The following SLC5A10 variants were observed in gnomAD, a reference collection of about 807,000 sequenced individuals.
The protein encoded by SLC5A10 is solute carrier family 5 member 10, also known as sodium/mannose cotransporter SLC5A10.
Under a neutral mutation model 68.9 loss-of-function variants are expected in SLC5A10, and 55 were observed. That is an observed-to-expected ratio of 0.80 (90% CI 0.64 to 1.00). The LOEUF (loss-of-function observed/expected upper bound fraction) is 1.00, where lower values mean the gene tolerates loss of function less well. Among genes scored for constraint, SLC5A10 ranks in the 50% least tolerant of loss-of-function variants. The pLI is 0.00. For synonymous variants in SLC5A10, 344 were observed against 344.8 expected (o/e 1.00, Z 0.02); for missense variants, 732 against 819.3 (o/e 0.89, Z 1.30).
chr17:18,971,668 G>A lies in SLC5A10; in HGVS notation c.846+450G>A. ...AGCTCTGGACGCTGTCAGCAGCAGA[G>A]CGGTACCTAGGGGGTCCTGGGAAGC... is the stretch of plus-strand genomic sequence containing the variant. On this transcript the variant is annotated intron_variant, in intron 8 of 14. Coordinates refer to ENST00000395645, the MANE Select transcript of SLC5A10 (RefSeq NM_001042450.4). This position sits in a 1 kb window ranked among gnomAD's most constrained non-coding sequence, Gnocchi z 5.5. The A allele has an allele frequency of 1.2e-6, 2 of 1,612,978 alleles. No homozygotes were observed. The highest frequency in any genetic ancestry group is 2.2e-5 in the East Asian group (1 of 44,838).
chr17:18,992,404 G>A (rs1010109185), intron 9 of SLC5A10, among the ~76,000 whole-genome samples: 5 of 152,222 alleles, frequency 3.3e-5, no homozygotes, highest in African/African-American at 7.2e-5. Flanking sequence ...GGCAGTGACC[G>A]GAGCAGCTTG....
intron 9 of SLC5A10, among the ~76,000 whole-genome samples, chr17:19,011,314 G>A (rs1429832526): frequency 6.6e-6 from 1 of 152,200 alleles, no homozygotes; most frequent in Non-Finnish European, 1.5e-5. Context: ...GTGGGTGTTA[G>A]ACGGACAGTG....
chr17:18,962,528 G>A (rs1364780330), intron 5 of SLC5A10, among the ~76,000 whole-genome samples: 1 of 152,180 alleles, frequency 6.6e-6, no homozygotes, highest in East Asian at 1.9e-4. Flanking sequence ...AGGCCCGTGT[G>A]CCACATTTGC....
At chr17:19,020,114 C>CA in intron 13 of SLC5A10, 41 bp from the exon 14 acceptor site, 7 of 1,285,240 alleles carry the variant, frequency 5.4e-6, no homozygotes, top group Non-Finnish European at 7.9e-6. Flanking sequence ...CCCACCCTGC[C>CA]ATCCCCCACC....
At chr17:18,965,773 G>A (rs1159784172) in intron 5 of SLC5A10, among the ~76,000 whole-genome samples, 1 of 152,212 alleles carries the variant, frequency 6.6e-6, no homozygotes, top group Non-Finnish European at 1.5e-5. Context: ...GCTGCCAACA[G>A]TGTGTGCTCT....
intron 9 of SLC5A10, chr17:18,977,575 C>A (rs1039903718): frequency 6.2e-7 from 1 of 1,605,436 alleles, no homozygotes; most frequent in Non-Finnish European, 8.5e-7. Flanking sequence ...TGCAGGGACC[C>A]TGACCCACCT....
chr17:19,015,548 G>A (rs1213614364), intron 11 of SLC5A10, among the ~76,000 whole-genome samples: 1 of 152,208 alleles, frequency 6.6e-6, no homozygotes, highest in Non-Finnish European at 1.5e-5. Context: ...GGGCCCCCGG[G>A]CCAGCACTCA....
intron 7 of SLC5A10, chr17:18,970,442 A>G (rs1051444670): frequency 1.3e-5 from 2 of 157,302 alleles, no homozygotes; most frequent in African/African-American, 4.8e-5. Flanking sequence ...CTGGAGAGGA[A>G]AAAGCCCCGG....
intron 9 of SLC5A10, among the ~76,000 whole-genome samples, chr17:18,987,895 G>A (rs2043310617): frequency 6.6e-6 from 1 of 152,234 alleles, no homozygotes; most frequent in African/African-American, 2.4e-5. Context: ...GCTACCTGAG[G>A]AGGCAGTGAG....
rs148765836 is a variant in SLC5A10 at position 18,991,185 on chromosome 17, G to A, written c.982+14196G>A. Among the ~76,000 whole-genome samples, 46 of 152,324 alleles carry A rather than the reference G, an allele frequency of 3.0e-4. No homozygotes were observed. In the Middle Eastern group the frequency reaches 0.01, roughly 34 times the overall value. On this transcript the variant is annotated intron_variant, in intron 9 of 14. Transcript: ENST00000395645. ...GCTCACTTGTGACACCATGAGCTCAGCAAGAGCAGAGCCCTTGTCTGAGCC... is the reference window on the plus strand; with the variant it reads ...GCTCACTTGTGACACCATGAGCTCAACAAGAGCAGAGCCCTTGTCTGAGCC...
rs959679416 is a variant in SLC5A10, at chr17:18,999,283, G to GAA, written c.983-14115_983-14114dup. On this transcript the variant is annotated intron_variant, in intron 9 of 14. Coordinates refer to ENST00000395645, the MANE Select transcript of SLC5A10 (RefSeq NM_001042450.4). ...ACAGAGCAAGACTTTGTCTCAAGAA[G>GAA]AAAAAAAAAAAAAGAAAATGCTTTT... is the stretch of plus-strand genomic sequence containing the variant. Among the ~76,000 whole-genome samples the GAA allele has an allele frequency of 3.3e-3, 449 of 136,274 alleles. 1 individual carries two copies. The highest frequency in any genetic ancestry group is 0.011 in the African/African-American group (423 of 37,094). 89.4% of individuals were successfully genotyped at this position (136,274 alleles called of 152,430 possible).
intron 1 of SLC5A10, among the ~76,000 whole-genome samples, 184 bp from the exon 2 acceptor site, chr17:18,958,498 G>T (rs555759223): frequency 6.6e-6 from 1 of 152,154 alleles, no homozygotes; most frequent in Non-Finnish European, 1.5e-5. Context: ...ATGAACATTC[G>T]TGTACAAGTT....
rs753602380 is a variant in SLC5A10 at position 19,003,919 on chromosome 17, G to A, written c.983-9491G>A. The A allele has an allele frequency of 2.4e-5, 38 of 1,612,846 alleles. No individual in the cohort carries two copies. The Admixed American group carries it at 6.2e-4, about 26-fold the overall frequency. On this transcript the variant is annotated intron_variant, in intron 9 of 14. Coordinates refer to ENST00000395645, the MANE Select transcript of SLC5A10 (RefSeq NM_001042450.4). The surrounding 1 kb of genome is among the most constrained non-coding windows in gnomAD (Gnocchi z 4.5). ...GCACCTCGTAGAAGGCGTCCCGGCC[G>A]CGGGCCACCAGGGCCTCCAGCGCCA... is the stretch of plus-strand genomic sequence containing the variant.
chr17:18,963,761 G>A (rs750660055), intron 5 of SLC5A10, among the ~76,000 whole-genome samples: 39 of 152,234 alleles, frequency 2.6e-4, no homozygotes, highest in African/African-American at 9.2e-4. Flanking sequence ...GGCAGGGCCT[G>A]GAGAATCACC....
chr17:18,962,466 G>C lies in SLC5A10; in HGVS notation c.453+1814G>C, dbSNP rs1176285523. Among the ~76,000 whole-genome samples, 5 of 152,172 alleles carry C rather than the reference G, an allele frequency of 3.3e-5. No individual in the cohort carries two copies. The East Asian group carries it at 5.8e-4, about 18-fold the overall frequency. ...AGAAGCTGGGAGTGAGTAATAGGCA[G>C]TGGTGGGGACAAAGGCAAACCAGAG... On this transcript the variant is annotated intron_variant, in intron 5 of 14. Coordinates refer to ENST00000395645, the MANE Select transcript of SLC5A10 (RefSeq NM_001042450.4).
chr17:18,980,709 G>C (rs1469931234), intron 9 of SLC5A10, among the ~76,000 whole-genome samples: 3 of 152,148 alleles, frequency 2.0e-5, no homozygotes, highest in African/African-American at 7.2e-5. Context: ...CAAGTGTCGA[G>C]GATGGCCAAG....
At chr17:18,982,473 G>C (rs2043163092) in intron 9 of SLC5A10, among the ~76,000 whole-genome samples, 1 of 152,252 alleles carries the variant, frequency 6.6e-6, no homozygotes, top group Non-Finnish European at 1.5e-5. Flanking sequence ...ACAGCAGATG[G>C]GTGGAGGGAT....
At chr17:18,983,140 G>C (rs182700889) in intron 9 of SLC5A10, among the ~76,000 whole-genome samples, 58 of 152,320 alleles carry the variant, frequency 3.8e-4, no homozygotes, top group Non-Finnish European at 6.2e-4. Flanking sequence ...CTCAGGTAGG[G>C]AAAGTGACCT....
intron 9 of SLC5A10, among the ~76,000 whole-genome samples, chr17:18,998,278 G>C (rs1428179944): frequency 6.6e-6 from 1 of 152,244 alleles, no homozygotes; most frequent in Non-Finnish European, 1.5e-5. Flanking sequence ...GTCTATCACT[G>C]CGTCAAGACA....
Sources: allele counts gnomAD v4.1 joint callset (sites outside exome capture counted in the v4.1 genomes callset), GRCh38; gene constraint gnomAD v4.1.1; non-coding constraint Gnocchi (gnomAD v3.1); transcripts MANE v1.5; gene names NCBI Gene and HGNC (gene_info 2026-07-23, HGNC 2026-07-21).